Variants in KCNH5 observed in about 807,000 individuals in gnomAD.
KCNH5 encodes potassium voltage-gated channel subfamily H member 5.
KCNH5 carries 46 observed loss-of-function variants against 96.1 expected under a neutral mutation model. That is an observed-to-expected ratio of 0.48 (90% CI 0.38 to 0.61). KCNH5 has a LOEUF of 0.61. KCNH5 is among the 20% of genes least tolerant of loss of function. KCNH5 has a pLI of 0.00. For synonymous variants in KCNH5, 439 were observed against 449.8 expected (o/e 0.98, Z 0.30); for missense variants, 907 against 1,225.8 (o/e 0.74, Z 3.88).
At chr14:62,819,377 T>C (rs1887068308) in intron 8 of KCNH5, among the ~76,000 whole-genome samples, 1 of 152,188 alleles carries the variant, frequency 6.6e-6, no homozygotes, top group Non-Finnish European at 1.5e-5. Flanking sequence ...CCACATATTA[T>C]ATGATTCCAC....
chr14:62,723,436 T>A (rs1884858342), intron 10 of KCNH5, among the ~76,000 whole-genome samples: 1 of 152,218 alleles, frequency 6.6e-6, no homozygotes, highest in South Asian at 2.1e-4. Context: ...CACAGCTAAA[T>A]CAAATTTACA....
intron 7 of KCNH5, among the ~76,000 whole-genome samples, chr14:62,852,983 A>G (rs184871764): frequency 6.6e-6 from 1 of 152,264 alleles, no homozygotes; most frequent in East Asian, 1.9e-4. Context: ...TCTAATCATT[A>G]TTTGGATCTA....
rs531056272 is a variant in KCNH5, at chr14:62,701,080, C to T, written c.*6428G>A. The T allele has an allele frequency of 2.6e-4, 39 of 152,064 alleles. No homozygotes were observed. Among genetic ancestry groups the T allele is most frequent in the Non-Finnish European group, 4.7e-4 (32 of 67,986 alleles). The allele number at this position is 152,064 out of a possible 1,614,324, so 9.4% of individuals were successfully genotyped here. A position where few individuals can be genotyped will look rare whatever the true frequency, so the allele number is the denominator to read the frequency against. On this transcript the variant is annotated 3_prime_UTR_variant, in exon 11 of 11. Transcript: ENST00000322893. ...TTGGTCATTCAACAGTCAGTGATTC[C>T]GCATGAATGAGAGAGAGTGATCAGA...
chr14:62,971,732 G>T (rs921590485), intron 6 of KCNH5, among the ~76,000 whole-genome samples: 3 of 151,634 alleles, frequency 2.0e-5, no homozygotes, highest in Admixed American at 2.0e-4. Context: ...TTAGACAAAG[G>T]CAAAAAGGCA....
chr14:62,844,822 G>T (rs964809848), intron 8 of KCNH5, among the ~76,000 whole-genome samples: 2 of 152,126 alleles, frequency 1.3e-5, no homozygotes, highest in Non-Finnish European at 2.9e-5. Context: ...CATTAAGACA[G>T]AATTAAATCA....
At chr14:62,942,234 A>G (rs1889803022) in intron 7 of KCNH5, among the ~76,000 whole-genome samples, 1 of 152,180 alleles carries the variant, frequency 6.6e-6, no homozygotes, top group Non-Finnish European at 1.5e-5. Flanking sequence ...CCTTAGAAGT[A>G]TAGAATGTTA....
intron 7 of KCNH5, among the ~76,000 whole-genome samples, chr14:62,896,688 G>A (rs1888820416): frequency 6.6e-6 from 1 of 152,068 alleles, no homozygotes; most frequent in South Asian, 2.1e-4. Flanking sequence ...TAGGTATCCT[G>A]ATCAGAATTT....
chr14:62,941,751 T>C lies in KCNH5; in HGVS notation c.1369+8382A>G, dbSNP rs116334662. Among the ~76,000 whole-genome samples the C allele has an allele frequency of 8.0e-3, 1,216 of 152,250 alleles. 11 individuals are homozygous for C. The highest frequency in any genetic ancestry group is 0.028 in the African/African-American group (1,157 of 41,536). On this transcript the variant is annotated intron_variant, in intron 7 of 10. Transcript: ENST00000322893. ...CAAATTTTAACATGTAACTTAATAT[T>C]ATACCTGAAATACCTGAAGTCGCAT...
chr14:63,002,388 A>G (rs3861501), intron 3 of KCNH5, among the ~76,000 whole-genome samples: 152,275 of 152,328 alleles, frequency 1, 76,111 homozygotes, highest in Middle Eastern at 1. Context: ...TGAAGGGAAG[A>G]TTCCATTACA....
intron 8 of KCNH5, among the ~76,000 whole-genome samples, chr14:62,806,967 G>T (rs1005522540): frequency 2.0e-5 from 3 of 152,148 alleles, no homozygotes; most frequent in African/African-American, 7.2e-5. Context: ...AAACTTGAGA[G>T]CTGACAGGAT....
At chr14:62,776,301 T>C (rs1886094739) in intron 10 of KCNH5, among the ~76,000 whole-genome samples, 1 of 151,688 alleles carries the variant, frequency 6.6e-6, no homozygotes, top group South Asian at 2.1e-4. Context: ...ATGAGTGACT[T>C]GGTGCCCTTA....
intron 7 of KCNH5, among the ~76,000 whole-genome samples, chr14:62,931,534 A>G (rs1318012839): frequency 1.3e-5 from 2 of 152,192 alleles, no homozygotes; most frequent in Non-Finnish European, 2.9e-5. Flanking sequence ...CAAAAGCAAC[A>G]AAAGTTTGGA....
chr14:62,942,295 A>G (rs1321026376), intron 7 of KCNH5, among the ~76,000 whole-genome samples: 1 of 152,158 alleles, frequency 6.6e-6, no homozygotes, highest in African/African-American at 2.4e-5. Flanking sequence ...GCATTTCACA[A>G]TTGAAAAAAA....
chr14:63,001,473 A>T lies in KCNH5; in HGVS notation c.305-14T>A. On this transcript the variant is annotated splice_polypyrimidine_tract_variant and intron_variant, in intron 3 of 10. Coordinates refer to ENST00000322893, the MANE Select transcript of KCNH5 (RefSeq NM_139318.5). ...AAACAGGGGTTCCTGTAACAGAAAGAAGTTGGGGAAAGGACATTAGAGTGT... is the reference window on the plus strand; with the variant it reads ...AAACAGGGGTTCCTGTAACAGAAAGTAGTTGGGGAAAGGACATTAGAGTGT... 1 of 1,605,382 alleles carries T rather than the reference A, an allele frequency of 6.2e-7. No homozygotes were observed. The highest frequency in any genetic ancestry group is 8.5e-7 in the Non-Finnish European group (1 of 1,176,148).
chr14:62,866,554 C>T (rs1215163955), intron 7 of KCNH5, among the ~76,000 whole-genome samples: 1 of 152,118 alleles, frequency 6.6e-6, no homozygotes, highest in Non-Finnish European at 1.5e-5. Flanking sequence ...CTATAATAAG[C>T]ATGTGATGAA....
intron 10 of KCNH5, among the ~76,000 whole-genome samples, chr14:62,730,813 A>G (rs567048434): frequency 6.6e-6 from 1 of 152,354 alleles, no homozygotes; most frequent in East Asian, 1.9e-4. Flanking sequence ...AAAAGCTGGT[A>G]GAGTAAAACC....
intron 8 of KCNH5, among the ~76,000 whole-genome samples, chr14:62,812,395 T>C (rs1261347818): frequency 6.6e-6 from 1 of 152,166 alleles, no homozygotes; most frequent in African/African-American, 2.4e-5. Flanking sequence ...TAGGATTCAC[T>C]GTTAAGTTGT....
chr14:63,003,534 T>TTATATATTATATATAG (rs1434367478), intron 3 of KCNH5, among the ~76,000 whole-genome samples: 1 of 114,808 alleles, frequency 8.7e-6, no homozygotes, highest in Non-Finnish European at 1.8e-5. Flanking sequence ...TTTATATATA[T>TTATATATTATATATAG]TATATATTAT....
At chr14:62,959,593 T>C (rs1890168213) in intron 6 of KCNH5, among the ~76,000 whole-genome samples, 3 of 152,106 alleles carry the variant, frequency 2.0e-5, no homozygotes, top group Admixed American at 2.0e-4. Context: ...AAAAAACAGA[T>C]TGTTTGTCTT....
Sources: gnomAD v4.1 joint callset for allele counts (sites outside exome capture counted in the v4.1 genomes callset) on GRCh38, gnomAD v4.1.1 for gene constraint, MANE v1.5 for transcripts, NCBI Gene and HGNC (gene_info 2026-07-23, HGNC 2026-07-21) for gene names.